MDM2: variants seen among roughly 807,000 people sequenced by gnomAD.
MDM2 encodes the protein E3 ubiquitin-protein ligase Mdm2.
MDM2 carries 11 observed loss-of-function variants against 64.3 expected under a neutral mutation model. That is an observed-to-expected ratio of 0.17 (90% confidence interval 0.11 to 0.28). The LOEUF is 0.28. Among genes scored for constraint, MDM2 ranks in the 10% least tolerant of loss-of-function variants. The pLI is 1.00. For missense variants in MDM2, 388 were observed against 577.1 expected (o/e 0.67, Z 3.36); for synonymous variants, 194 against 192.9 (o/e 1.01, Z -0.05).
At position 68,828,881 on chromosome 12, in the gene MDM2, T is replaced by C. The variant is rs1429670022; in HGVS notation, c.634T>C (p.Cys212Arg). 7.4e-6 allele frequency: 12 copies of C among 1,613,932 alleles called. No homozygotes were observed. The highest frequency in any genetic ancestry group is 2.7e-5 in the African/African-American group (2 of 74,878). Residue 212 changes from cysteine to arginine, a missense_variant, in exon 8 of 11, where the codon TGT becomes CGT. Cys to Arg is a radical substitution (Grantham distance 180, BLOSUM62 -3). Around this residue, in one of 5 missense-constraint regions of MDM2, gnomAD observed 168 missense variants for 236.6 expected, o/e 0.71. Coordinates refer to ENST00000258149, the MANE Select transcript of MDM2 (RefSeq NM_002392.6). ...GGCTCTGTGTGTAATAAGGGAGATA[T>C]GTTGTGAAAGAAGCAGTAGCAGTGA... ...SLALCVIREI[C>R]CERSSSSEST...
In MDM2 at chr12:68,840,044, A is replaced by G. The variant is rs757471263; in HGVS notation, c.*195A>G. On this transcript the variant is annotated 3_prime_UTR_variant, in exon 11 of 11. Coordinates refer to ENST00000258149, the MANE Select transcript of MDM2 (RefSeq NM_002392.6). ...ATAATTTGACTTGAATATGTAGCTC[A>G]TCCTTTACACCAACTCCTAATTTTA... The G allele has an allele frequency of 1.1e-5, 6 of 531,358 alleles. No individual in the cohort carries two copies. The highest frequency in any genetic ancestry group is 2.0e-5 in the Non-Finnish European group (6 of 306,504). 32.9% of individuals were successfully genotyped at this position (531,358 alleles called of 1,614,324 possible). A position where few individuals can be genotyped will look rare whatever the true frequency, so the allele number is the denominator to read the frequency against.
At position 68,839,327 on chromosome 12, in the gene MDM2, T is replaced by C; in HGVS notation, c.972T>C (p.His324=). The change falls in exon 11 of 11, where the codon CAT becomes CAC. Residue 324 remains histidine, a synonymous_variant. Transcript: ENST00000258149. ...AAATGAATCCCCCCCTTCCATCACA[T>C]TGCAACAGATGTTGGGCCCTTCGTG... The part of the protein sequence containing the change: ...CNEMNPPLPS[H]CNRCWALREN... 6.2e-7 allele frequency: 1 copy of C among 1,613,922 alleles called. No homozygotes were observed. The highest frequency in any genetic ancestry group is 1.3e-5 in the African/African-American group (1 of 74,984).
intron 3 of MDM2, among the ~76,000 whole-genome samples, chr12:68,816,543 T>C (rs1385681382): frequency 6.6e-6 from 1 of 151,962 alleles, no homozygotes; most frequent in Admixed American, 6.6e-5. Context: ...TGGCTAACTT[T>C]TGTATTTTTA....
chr12:68,832,375 A>G (rs1050057202), intron 8 of MDM2, among the ~76,000 whole-genome samples: 5 of 152,142 alleles, frequency 3.3e-5, no homozygotes, highest in African/African-American at 1.2e-4. Context: ...ATTTTTAGCT[A>G]AGACTGGGGT....
Position 68,841,744 on chromosome 12 carries a change from TAAAC to T in MDM2, c.*1897_*1900del, listed in dbSNP as rs1187123096. The T allele has an allele frequency of 9.8e-6, 2 of 205,114 alleles. No individual in the cohort carries two copies. Among genetic ancestry groups the T allele is most frequent in the African/African-American group, 2.3e-5 (1 of 43,698 alleles). 12.7% of individuals were successfully genotyped at this position (205,114 alleles called of 1,614,324 possible). A position where few individuals can be genotyped will look rare whatever the true frequency, so the allele number is the denominator to read the frequency against. ...CAGAAAAGTTAATTCAGAAATTTGA[TAAAC>T]AGAATTGTTATTTAAAAACTAACTG... On this transcript the variant is annotated 3_prime_UTR_variant, in exon 11 of 11. Coordinates refer to ENST00000258149, the MANE Select transcript of MDM2 (RefSeq NM_002392.6).
downstream of MDM2, chr12:68,846,127 G>C (rs1164515921): frequency 6.6e-6 from 1 of 151,826 alleles, no homozygotes. Context: ...AATTTTTTTT[G>C]TATTTTTAGT....
chr12:68,833,667 G>A (rs1265222317), intron 8 of MDM2, among the ~76,000 whole-genome samples: 1 of 151,816 alleles, frequency 6.6e-6, no homozygotes, highest in African/African-American at 2.4e-5. Flanking sequence ...ACTCAGCCCC[G>A]CTCTTGTAAT....
At chr12:68,824,474 A>T (rs1882135283) in intron 6 of MDM2, 44 bp downstream of exon 6, 4 of 1,600,012 alleles carry the variant, frequency 2.5e-6, no homozygotes, top group Admixed American at 1.7e-5. Context: ...ATTATTTGCA[A>T]ATTGGAAAGG....
rs939835630 is a variant in MDM2, at chr12:68,824,179, G to C, written c.359-184G>C. 5 of 552,922 alleles carry C rather than the reference G, an allele frequency of 9.0e-6. No individual in the cohort carries two copies. In the African/African-American group the frequency reaches 9.5e-5, roughly 10 times the overall value. 34.3% of individuals were successfully genotyped at this position (552,922 alleles called of 1,614,324 possible). A position where few individuals can be genotyped will look rare whatever the true frequency, so the allele number is the denominator to read the frequency against. ...TACTTTACTCTTCTACATTAAAGTT[G>C]AATTATTTTATTTACATCTGCAACA... On this transcript the variant is annotated intron_variant, in intron 5 of 10. Coordinates refer to ENST00000258149, the MANE Select transcript of MDM2 (RefSeq NM_002392.6).
intron 3 of MDM2, among the ~76,000 whole-genome samples, chr12:68,816,178 A>G (rs1285507270): frequency 6.6e-6 from 1 of 152,020 alleles, no homozygotes; most frequent in Admixed American, 6.6e-5. Context: ...TGTTTCTGCA[A>G]CTTTTTTGGC....
intron 10 of MDM2, 60 bp downstream of exon 10, chr12:68,836,809 CTA>C: frequency 2.1e-6 from 2 of 970,368 alleles, no homozygotes; most frequent in Middle Eastern, 3.1e-4. Context: ...GATTAGGAGA[CTA>C]TATCTAGCTT....
chr12:68,839,525 A>G lies in MDM2; in HGVS notation c.1170A>G (p.Gln390=), dbSNP rs1883577574. 1.2e-6 allele frequency: 2 copies of G among 1,614,034 alleles called. No individual in the cohort carries two copies. Among genetic ancestry groups the G allele is most frequent in the Middle Eastern group, 3.3e-4 (2 of 6,062 alleles). ...AGGAAAATGATGATAAAATTACACA[A>G]GCTTCACAATCACAAGAAAGTGAAG... ...CVEENDDKIT[Q]ASQSQESEDY... is the part of the protein sequence containing the mutation. The change falls in exon 11 of 11, where the codon CAA becomes CAG. Residue 390 remains glutamine (Q), a synonymous_variant. Transcript: ENST00000258149.
At chr12:68,811,541 T>C (rs1690924) in intron 2 of MDM2, among the ~76,000 whole-genome samples, 61,276 of 151,006 alleles carry the variant, frequency 0.41, 12,918 homozygotes, top group African/African-American at 0.47. Context: ...CTTTTATAGC[T>C]GTTTTCTCAT....
At chr12:68,809,084 C>A in intron 1 of MDM2, 124 bp from the exon 2 acceptor site, 1 of 1,510,546 alleles carries the variant, frequency 6.6e-7, no homozygotes, top group Non-Finnish European at 8.8e-7. Flanking sequence ...TCTGCTGATC[C>A]AGGTAAGCAC....
intron 5 of MDM2, 97 bp from the exon 6 acceptor site, chr12:68,824,266 A>G (rs1882110789): frequency 1.3e-6 from 1 of 770,056 alleles, no homozygotes; most frequent in Non-Finnish European, 2.1e-6. Flanking sequence ...GTTAAATTGC[A>G]TAAGGGTTTG....
Position 68,820,371 on chromosome 12 carries a change from C to A in MDM2, c.355C>A (p.Gln119Lys), listed in dbSNP as rs2136129048. The change falls in exon 5 of 11, where the codon CAG (glutamine) becomes AAG (lysine). Residue 119 changes from glutamine to lysine, a missense_variant. Physicochemically the swap from Gln to Lys is moderately conservative, Grantham distance 53 (BLOSUM62 1). Around this residue, in one of 5 missense-constraint regions of MDM2, gnomAD observed 168 missense variants for 236.6 expected, o/e 0.71. Coordinates refer to ENST00000258149, the MANE Select transcript of MDM2 (RefSeq NM_002392.6). ...CAGGAACTTGGTAGTAGTCAATCAG[C>A]AGGGTAAGTTAATTTTGAGCATCAT... is the stretch of plus-strand genomic sequence containing the variant. ...IYRNLVVVNQ[Q>K]ESSDSGTSVS... The A allele has an allele frequency of 6.2e-7, 1 of 1,602,880 alleles. No homozygotes were observed. Among genetic ancestry groups the A allele is most frequent in the Non-Finnish European group, 8.5e-7 (1 of 1,174,978 alleles).
chr12:68,828,699 A>AGT (rs1275754368), intron 7 of MDM2, 72 bp from the exon 8 acceptor site: 11 of 1,349,556 alleles, frequency 8.2e-6, no homozygotes, highest in Middle Eastern at 2.0e-4. Context: ...TTTCTGTACA[A>AGT]ATAGGTACTC....
At chr12:68,824,514 TGTTAA>T (rs1405319831) in intron 6 of MDM2, 36 bp from the exon 7 acceptor site, 3 of 1,593,204 alleles carry the variant, frequency 1.9e-6, no homozygotes, top group Non-Finnish European at 2.6e-6. Flanking sequence ...TTACTGGTTA[TGTTAA>T]GTTTGTTGTA....
At position 68,816,962 on chromosome 12, in the gene MDM2, G is replaced by A. The variant is rs1160964020; in HGVS notation, c.308+17G>A. Reference sequence around the variant, plus strand: ...AGAGCACAGGTAATTCTTCAGTTTAGTCCATTGTAAAAAGCCATCTGGGCT... The same window carrying A: ...AGAGCACAGGTAATTCTTCAGTTTAATCCATTGTAAAAAGCCATCTGGGCT... On this transcript the variant is annotated intron_variant, in intron 4 of 10. Transcript: ENST00000258149. The A allele has an allele frequency of 1.9e-6, 3 of 1,608,660 alleles. No individual in the cohort carries two copies.
Sources: allele counts gnomAD v4.1 joint callset (sites outside exome capture counted in the v4.1 genomes callset), GRCh38; gene constraint gnomAD v4.1.1; regional missense constraint gnomAD v4.1.1; transcripts MANE v1.5; gene names NCBI Gene and HGNC (gene_info 2026-07-23, HGNC 2026-07-21).